DDR2: variants seen among roughly 807,000 people sequenced by gnomAD.
The protein encoded by DDR2 is discoidin domain-containing receptor 2.
Under a neutral mutation model 94.9 loss-of-function variants are expected in DDR2, and 27 were observed. The ratio of observed to expected loss-of-function variants is 0.28; its 90% CI spans 0.21 to 0.39. The LOEUF (loss-of-function observed/expected upper bound fraction) is 0.39, where lower values mean the gene tolerates loss of function less well. DDR2 is among the 10% of genes least tolerant of loss of function. DDR2 has a pLI of 1.00. For synonymous variants in DDR2, 382 were observed against 377.2 expected (o/e 1.01, Z -0.15); for missense variants, 783 against 1,076.0 (o/e 0.73, Z 3.81).
rs188767299 is a variant in DDR2 at position 162,718,227 on chromosome 1, A to G, written c.-27-810A>G. Among the ~76,000 whole-genome samples, 265 of 152,286 alleles carry G rather than the reference A, an allele frequency of 1.7e-3. 3 individuals carry two copies. The highest frequency in any genetic ancestry group is 0.011 in the South Asian group (51 of 4,828). ...CATTTTCTCAATTTCTGGCACTAAA[A>G]GATACTCCAAGTCCATCTTGTTTAT... is the stretch of plus-strand genomic sequence containing the variant. On this transcript the variant is annotated intron_variant, in intron 2 of 17. Transcript: ENST00000367921.
At chr1:162,726,205 A>G (rs753534034) in intron 3 of DDR2, among the ~76,000 whole-genome samples, 76 of 152,282 alleles carry the variant, frequency 5.0e-4, no homozygotes, top group Non-Finnish European at 7.1e-4. Flanking sequence ...AATTTTGTAT[A>G]TTGTGCTGTG....
chr1:162,638,657 A>T (rs1656960364), intron 1 of DDR2, among the ~76,000 whole-genome samples: 1 of 152,184 alleles, frequency 6.6e-6, no homozygotes, highest in Non-Finnish European at 1.5e-5. Flanking sequence ...GGCATGTAAA[A>T]GTTAGAGGAT....
chr1:162,757,426 GT>G (rs1162970914), intron 7 of DDR2, among the ~76,000 whole-genome samples: 1 of 152,148 alleles, frequency 6.6e-6, no homozygotes, highest in Non-Finnish European at 1.5e-5. Context: ...TGGTTATAAA[GT>G]TTAGGGGACT....
At chr1:162,675,998 T>C (rs12143132) in intron 2 of DDR2, among the ~76,000 whole-genome samples, 7,167 of 152,194 alleles carry the variant, frequency 0.047, 208 homozygotes, top group South Asian at 0.089. Flanking sequence ...TAGTAACTGA[T>C]TGAAATGTGT....
At chr1:162,776,511 G>T in intron 16 of DDR2, 141 bp downstream of exon 16, 1 of 759,172 alleles carries the variant, frequency 1.3e-6, no homozygotes. Context: ...TATTTTCTTT[G>T]TGTACTAATT....
intron 1 of DDR2, among the ~76,000 whole-genome samples, chr1:162,636,496 G>A (rs960632032): frequency 2.6e-5 from 4 of 152,164 alleles, no homozygotes; most frequent in Non-Finnish European, 4.4e-5. Flanking sequence ...CTATAGCTCC[G>A]AGGTTAGTGC....
At chr1:162,780,010 G>T (rs1647807415) in intron 17 of DDR2, 102 bp from the exon 18 acceptor site, 69 of 1,556,500 alleles carry the variant, frequency 4.4e-5, no homozygotes, top group Non-Finnish European at 5.9e-5. Context: ...AAGTGGGCAG[G>T]GGGCAAATCA....
chr1:162,767,386 A>G (rs1228667387), intron 11 of DDR2, 27 bp downstream of exon 11: 3 of 1,612,758 alleles, frequency 1.9e-6, no homozygotes, highest in Admixed American at 1.7e-5. Flanking sequence ...TGGTCATGAT[A>G]TAAGAAACTG....
intron 1 of DDR2, among the ~76,000 whole-genome samples, chr1:162,639,419 C>A (rs1305524143): frequency 6.6e-6 from 1 of 152,200 alleles, no homozygotes; most frequent in East Asian, 1.9e-4. Context: ...GGTGCTGGAA[C>A]AATTGGACAT....
At chr1:162,643,357 T>G (rs564029705) in intron 1 of DDR2, among the ~76,000 whole-genome samples, 2 of 152,282 alleles carry the variant, frequency 1.3e-5, no homozygotes, top group African/African-American at 4.8e-5. Flanking sequence ...GCTCAGAATG[T>G]CTGGTGTTGA....
chr1:162,752,072 C>A (rs913569312), intron 3 of DDR2, among the ~76,000 whole-genome samples: 4 of 151,640 alleles, frequency 2.6e-5, no homozygotes, highest in African/African-American at 9.7e-5. Flanking sequence ...GTGCAGCACA[C>A]CAACATGGCA....
chr1:162,744,907 A>G (rs1662777006), intron 3 of DDR2, among the ~76,000 whole-genome samples: 5 of 152,110 alleles, frequency 3.3e-5, no homozygotes, highest in Admixed American at 3.3e-4. Context: ...CCTATTTTTA[A>G]TTTTTTGAGG....
chr1:162,729,294 A>ATTTTTTT (rs1455925320), intron 3 of DDR2, among the ~76,000 whole-genome samples: 2 of 30,016 alleles, frequency 6.7e-5, no homozygotes, highest in African/African-American at 1.0e-4. Context: ...ATATATATAT[A>ATTTTTTT]TATATATTTT....
intron 14 of DDR2, among the ~76,000 whole-genome samples, chr1:162,774,865 G>C (rs1647439780): frequency 6.6e-6 from 1 of 152,142 alleles, no homozygotes. Context: ...GATTCCAGTG[G>C]TTTATATTGA....
At chr1:162,777,843 A>AC (rs1647668815) in intron 16 of DDR2, 1 of 152,566 alleles carries the variant, frequency 6.6e-6, no homozygotes, top group Non-Finnish European at 1.5e-5. Flanking sequence ...TAAGTCTGGC[A>AC]TTAATATGGT....
intron 1 of DDR2, among the ~76,000 whole-genome samples, chr1:162,641,331 C>T (rs189018781): frequency 6.6e-6 from 1 of 152,168 alleles, no homozygotes; most frequent in South Asian, 2.1e-4. Context: ...ATGATCTTCA[C>T]CCTAGTTGTC....
At chr1:162,637,210 A>G (rs925420243) in intron 1 of DDR2, among the ~76,000 whole-genome samples, 1 of 152,162 alleles carries the variant, frequency 6.6e-6, no homozygotes, top group Non-Finnish European at 1.5e-5. Context: ...TCTAGGGAGT[A>G]TAATATGAAT....
At chr1:162,713,674 T>C (rs1191435001) in intron 2 of DDR2, among the ~76,000 whole-genome samples, 1 of 152,216 alleles carries the variant, frequency 6.6e-6, no homozygotes, top group Non-Finnish European at 1.5e-5. Context: ...TGTGAGTAGC[T>C]CTAATGCATT....
rs1647738776 is a variant in DDR2 at position 162,778,878 on chromosome 1, G to A, written c.2433+149G>A. ...CACTAACTATCCAGATGATGTGAAA[G>A]ACCAGTATCCTCCCCAGGCATCCAT... On this transcript the variant is annotated intron_variant, in intron 17 of 17. Transcript: ENST00000367921. 3.6e-6 allele frequency: 4 copies of A among 1,099,768 alleles called. No individual in the cohort carries two copies. In the East Asian group the frequency reaches 1.0e-4, roughly 28 times the overall value. The allele number at this position is 1,099,768 out of a possible 1,614,324, so 68.1% of individuals were successfully genotyped here.
Sources: allele counts gnomAD v4.1 joint callset (sites outside exome capture counted in the v4.1 genomes callset), GRCh38; gene constraint gnomAD v4.1.1; transcripts MANE v1.5; gene names NCBI Gene and HGNC (gene_info 2026-07-23, HGNC 2026-07-21).